APMAP: variants seen among roughly 807,000 people sequenced by gnomAD.
APMAP encodes adipocyte plasma membrane-associated protein.
In APMAP, 33 loss-of-function variants were observed where a neutral mutation model predicts 43.6. That is an observed-to-expected ratio of 0.76 (90% CI 0.57 to 1.01). The LOEUF (loss-of-function observed/expected upper bound fraction) is 1.01, where lower values mean the gene tolerates loss of function less well. APMAP is among the 50% of genes least tolerant of loss of function. The pLI is 0.00. For missense variants in APMAP, 498 were observed against 540.7 expected, an observed-to-expected ratio of 0.92 and a Z score of 0.78; for synonymous variants, 224 against 216.7, an observed-to-expected ratio of 1.03 and a Z score of -0.30.
At chr20:24,970,068 G>T in intron 6 of APMAP, 129 bp downstream of exon 6, 1 of 1,177,292 alleles carries the variant, frequency 8.5e-7, no homozygotes, top group Non-Finnish European at 1.2e-6. Flanking sequence ...AAGCCACTAA[G>T]GTCCTGTCCT....
intron 2 of APMAP, among the ~76,000 whole-genome samples, chr20:24,980,804 G>T (rs189163761): frequency 1.2e-4 from 18 of 147,842 alleles, no homozygotes; most frequent in African/African-American, 4.3e-4. Context: ...GCAGTGTGGG[G>T]TCACCATGGT....
intron 4 of APMAP, 143 bp from the exon 5 acceptor site, chr20:24,971,719 G>A (rs1220737162): frequency 4.0e-6 from 3 of 744,442 alleles, no homozygotes; most frequent in Admixed American, 2.2e-5. Context: ...AGCTACAACT[G>A]CCCTGCAGGT....
In APMAP at chr20:24,969,510, C is replaced by CCCCGCCCT; in HGVS notation, c.848+15_848+16insAGGGCGGG. On this transcript the variant is annotated intron_variant, in intron 7 of 8. Coordinates refer to ENST00000217456, the MANE Select transcript of APMAP (RefSeq NM_020531.3). Reference sequence around the variant, plus strand: ...CTCTGGCCAGTAACTGATGGCTCAGCTAATCCCACACACACCTTCGTATCC... The same window carrying CCCCGCCCT: ...CTCTGGCCAGTAACTGATGGCTCAGCCCCGCCCTTAATCCCACACACACCTTCGTATCC... 1 of 1,598,374 alleles carries CCCCGCCCT rather than the reference C, an allele frequency of 6.3e-7. No individual in the cohort carries two copies. The highest frequency in any genetic ancestry group is 8.6e-7 in the Non-Finnish European group (1 of 1,167,964).
chr20:24,988,578 G>A (rs1268021547), intron 1 of APMAP, among the ~76,000 whole-genome samples: 1 of 152,230 alleles, frequency 6.6e-6, no homozygotes, highest in Non-Finnish European at 1.5e-5. Flanking sequence ...TCAGTCTACT[G>A]TTCCCAAAGG....
chr20:24,974,809 T>G (rs2088036853), intron 3 of APMAP, among the ~76,000 whole-genome samples: 1 of 152,190 alleles, frequency 6.6e-6, no homozygotes. Flanking sequence ...GAACCTTTAA[T>G]GTGTATATGC....
At chr20:24,987,102 T>C (rs2088154121) in intron 1 of APMAP, among the ~76,000 whole-genome samples, 1 of 152,228 alleles carries the variant, frequency 6.6e-6, no homozygotes, top group Non-Finnish European at 1.5e-5. Context: ...CTACCACAAC[T>C]TGCTGCCCAC....
At chr20:24,980,825 T>C (rs1600287560) in intron 2 of APMAP, among the ~76,000 whole-genome samples, 1 of 149,904 alleles carries the variant, frequency 6.7e-6, no homozygotes, top group Non-Finnish European at 1.5e-5. Context: ...CAAGAGGCCA[T>C]GCCACGATGA....
intron 1 of APMAP, among the ~76,000 whole-genome samples, chr20:24,992,075 G>C (rs2088197364): frequency 6.6e-6 from 1 of 152,254 alleles, no homozygotes; most frequent in Admixed American, 6.5e-5. Context: ...AGGTGCAGAA[G>C]AGCAAGTGTA....
At chr20:24,978,682 G>T in intron 3 of APMAP, 85 bp downstream of exon 3, 1 of 1,080,916 alleles carries the variant, frequency 9.3e-7, no homozygotes, top group Non-Finnish European at 1.4e-6. Context: ...GGGGCAGCGT[G>T]CCACTGCAGC....
Position 24,969,517 on chromosome 20 carries a change from C to T in APMAP, c.848+9G>A. On this transcript the variant is annotated intron_variant, in intron 7 of 8. Transcript: ENST00000217456. ...CAGTAACTGATGGCTCAGCTAATCCCACACACACCTTCGTATCCTGGCCAT... is the reference window on the plus strand; with the variant it reads ...CAGTAACTGATGGCTCAGCTAATCCTACACACACCTTCGTATCCTGGCCAT... 2 of 1,605,204 alleles carry T rather than the reference C, an allele frequency of 1.2e-6. No homozygotes were observed. Among genetic ancestry groups the T allele is most frequent in the South Asian group, 1.1e-5 (1 of 90,702 alleles).
At chr20:24,987,214 C>T (rs938417647) in intron 1 of APMAP, among the ~76,000 whole-genome samples, 1 of 152,154 alleles carries the variant, frequency 6.6e-6, no homozygotes, top group Admixed American at 6.5e-5. Flanking sequence ...TCTCAAATTC[C>T]TGGGCTCAAG....
chr20:24,970,411 G>A (rs6050219), intron 5 of APMAP, 40 bp from the exon 6 acceptor site: 3 of 1,559,196 alleles, frequency 1.9e-6, no homozygotes, highest in South Asian at 2.4e-5. Context: ...ACTTGAACTA[G>A]GAACTTCTCA....
rs1358848366 is a variant in APMAP at position 24,971,551 on chromosome 20, A to G, written c.447T>C (p.Cys149=). The G allele has an allele frequency of 6.2e-7, 1 of 1,614,096 alleles. No individual in the cohort carries two copies. The highest frequency in any genetic ancestry group is 8.5e-7 in the Non-Finnish European group (1 of 1,180,030). ...PCKTRDDEPV[C]GRPLGIRAGP... ...CTGCACGGATACCCAGGGGTCTCCCACACACAGGCTCATCATCTCGGGTTT... is the reference window on the plus strand; with the variant it reads ...CTGCACGGATACCCAGGGGTCTCCCGCACACAGGCTCATCATCTCGGGTTT... The change falls in exon 5 of 9, where the codon TGT becomes TGC. Residue 149 remains cysteine (C), a synonymous_variant. Coordinates refer to ENST00000217456, the MANE Select transcript of APMAP (RefSeq NM_020531.3).
intron 1 of APMAP, among the ~76,000 whole-genome samples, chr20:24,985,502 C>T (rs748702600): frequency 7.9e-5 from 12 of 152,168 alleles, no homozygotes; most frequent in Non-Finnish European, 1.3e-4. Context: ...CACAGTGAGA[C>T]CTGCCCAGGA....
intron 7 of APMAP, 141 bp downstream of exon 7, chr20:24,969,385 A>G (rs2087977803): frequency 7.4e-7 from 1 of 1,347,160 alleles, no homozygotes; most frequent in African/African-American, 1.5e-5. Flanking sequence ...AAGAAAGCGC[A>G]CCCTTGAATT....
chr20:24,969,567 G>C lies in APMAP; in HGVS notation c.807C>G (p.Asp269Glu). 3 of 1,613,998 alleles carry C rather than the reference G, an allele frequency of 1.9e-6. No homozygotes were observed. The highest frequency in any genetic ancestry group is 2.5e-6 in the Non-Finnish European group (3 of 1,179,902). ...TGGTTGTTTCTGCCACCAGGACAAA[G>C]TCTTCTGCAGGAGACAGCTGGACTC... ...PNGVQLSPAE[D>E]FVLVAETTMA... Residue 269 changes from aspartate to glutamate, a missense_variant, in exon 7 of 9, where the codon GAC (aspartate) becomes GAG (glutamate). Asp to Glu is a conservative substitution (Grantham distance 45). Coordinates refer to ENST00000217456, the MANE Select transcript of APMAP (RefSeq NM_020531.3).
chr20:24,985,191 C>T (rs913650825), intron 1 of APMAP, among the ~76,000 whole-genome samples: 2 of 152,150 alleles, frequency 1.3e-5, no homozygotes, highest in African/African-American at 2.4e-5. Flanking sequence ...CAGTGTGAAA[C>T]GGGGTGTTGG....
chr20:24,975,192 G>A (rs1232274902), intron 3 of APMAP, among the ~76,000 whole-genome samples: 1 of 152,110 alleles, frequency 6.6e-6, no homozygotes, highest in Non-Finnish European at 1.5e-5. Context: ...AGTAAGACAT[G>A]AAAAGGAAAC....
At position 24,963,638 on chromosome 20, in the gene APMAP, G is replaced by C; in HGVS notation, c.*175C>G. 1 of 661,236 alleles carries C rather than the reference G, an allele frequency of 1.5e-6. No homozygotes were observed. Among genetic ancestry groups the C allele is most frequent in the Admixed American group, 2.9e-5 (1 of 34,602 alleles). The allele number at this position is 661,236 out of a possible 1,614,324, so 41.0% of individuals were successfully genotyped here. A position where few individuals can be genotyped will look rare whatever the true frequency, so the allele number is the denominator to read the frequency against. On this transcript the variant is annotated 3_prime_UTR_variant, in exon 9 of 9. Coordinates refer to ENST00000217456, the MANE Select transcript of APMAP (RefSeq NM_020531.3). ...CCTCTAAACAGAAAGACAAGCCCAG[G>C]TGGGGCCCGGGCATCCTCGAGGAAT...
Sources: gnomAD v4.1 joint callset for allele counts (sites outside exome capture counted in the v4.1 genomes callset) on GRCh38, gnomAD v4.1.1 for gene constraint, MANE v1.5 for transcripts, NCBI Gene and HGNC (gene_info 2026-07-23, HGNC 2026-07-21) for gene names.